The following MAP4K4 variants were observed in gnomAD, a reference collection of about 807,000 sequenced individuals.
MAP4K4 encodes the protein HPK/GCK-like kinase HGK.
In MAP4K4, 38 loss-of-function variants were observed where a neutral mutation model predicts 189.6. The ratio of observed to expected loss-of-function variants is 0.20; its 90% CI spans 0.15 to 0.26. The LOEUF is 0.26. Among genes scored for constraint, MAP4K4 ranks in the 10% least tolerant of loss-of-function variants. The pLI, the probability that MAP4K4 is intolerant of heterozygous loss-of-function variation, is 1.00. For synonymous variants in MAP4K4, 610 were observed against 624.3 expected (o/e 0.98, Z 0.34); for missense variants, 1,054 against 1,726.9 (o/e 0.61, Z 6.91).
At chr2:101,741,716 A>G (rs2062921610) in intron 2 of MAP4K4, among the ~76,000 whole-genome samples, 1 of 152,204 alleles carries the variant, frequency 6.6e-6, no homozygotes, top group African/African-American at 2.4e-5. Context: ...TTTGAGGACG[A>G]CTGGTTTAGT....
chr2:101,874,285 T>C, intron 26 of MAP4K4, 33 bp downstream of exon 26: 2 of 1,575,340 alleles, frequency 1.3e-6, no homozygotes, highest in Non-Finnish European at 8.6e-7. Flanking sequence ...AACACTTTCA[T>C]TTTTGTTCTG....
At chr2:101,795,619 TCTC>T (rs1260089704) in intron 3 of MAP4K4, among the ~76,000 whole-genome samples, 1 of 152,206 alleles carries the variant, frequency 6.6e-6, no homozygotes, top group Non-Finnish European at 1.5e-5. Flanking sequence ...CATGGAATAC[TCTC>T]CTCTGAGGAG....
chr2:101,780,866 T>A (rs892284271), intron 2 of MAP4K4, among the ~76,000 whole-genome samples: 1 of 152,254 alleles, frequency 6.6e-6, no homozygotes, highest in African/African-American at 2.4e-5. Context: ...ATTACTTGGC[T>A]GTTGAATACT....
intron 12 of MAP4K4, among the ~76,000 whole-genome samples, chr2:101,847,743 A>G (rs2097154011): frequency 6.6e-6 from 1 of 152,192 alleles, no homozygotes; most frequent in African/African-American, 2.4e-5. Flanking sequence ...GAAGAAAGAA[A>G]AACATTTTAA....
Position 101,784,263 on chromosome 2 carries a change from CGTGTGT to C in MAP4K4, c.124-6438_124-6433del, listed in dbSNP as rs143119918. Among the ~76,000 whole-genome samples the C allele has an allele frequency of 3.8e-3, 557 of 146,740 alleles. 2 individuals carry two copies. Among genetic ancestry groups the C allele is most frequent in the African/African-American group, 0.014 (527 of 39,004 alleles). On this transcript the variant is annotated intron_variant, in intron 2 of 32. Coordinates refer to ENST00000324219, the Ensembl canonical transcript of MAP4K4. Reference sequence around the variant, plus strand: ...CATGGTATTTCTCTGTGATGCTCTTCGTGTGTGTGTGTGTGTGTGTGTGTATGTGTG... The same window carrying C: ...CATGGTATTTCTCTGTGATGCTCTTCGTGTGTGTGTGTGTGTGTATGTGTG...
At chr2:101,746,888 A>T (rs1281944954) in intron 2 of MAP4K4, among the ~76,000 whole-genome samples, 1 of 152,088 alleles carries the variant, frequency 6.6e-6, no homozygotes, top group Non-Finnish European at 1.5e-5. Context: ...TTGTTGCTTA[A>T]ACATATAGAA....
chr2:101,790,732 A>C (rs1208456538), exon 3 of MAP4K4: 1 of 1,610,094 alleles, frequency 6.2e-7, no homozygotes. Context: ...TCGACATGTT[A>C]AAACGGGTCA....
chr2:101,723,503 C>T lies in MAP4K4; in HGVS notation c.123+24965C>T, dbSNP rs183654469. Among the ~76,000 whole-genome samples, 9 of 152,252 alleles carry T rather than the reference C, an allele frequency of 5.9e-5. No homozygotes were observed. In the East Asian group the frequency reaches 1.7e-3, roughly 29 times the overall value. On this transcript the variant is annotated intron_variant, in intron 2 of 32. Transcript: ENST00000324219. ...AACCTCTGGAGAACTGTGAGAGTCACTGTTTGTCTTCTGTTGGGTTTGGCT... is the reference window on the plus strand; with the variant it reads ...AACCTCTGGAGAACTGTGAGAGTCATTGTTTGTCTTCTGTTGGGTTTGGCT...
rs546424828 is a variant in MAP4K4, at chr2:101,752,932, C to T, written c.124-37788C>T. Reference sequence around the variant, plus strand: ...GACTGTAGGGAGCATTGGCAGTTCACGCAGATAGTCATGGCATTCAAGGCA... The same window carrying T: ...GACTGTAGGGAGCATTGGCAGTTCATGCAGATAGTCATGGCATTCAAGGCA... On this transcript the variant is annotated intron_variant, in intron 2 of 32. Coordinates refer to ENST00000324219, the Ensembl canonical transcript of MAP4K4. Among the ~76,000 whole-genome samples the T allele has an allele frequency of 5.4e-4, 82 of 152,286 alleles. 1 individual carries two copies. The South Asian group carries it at 0.016, about 29-fold the overall frequency.
At position 101,858,931 on chromosome 2, in the gene MAP4K4, C is replaced by T. The variant is rs1307422176; in HGVS notation, c.1396-65C>T. 6 of 1,179,026 alleles carry T rather than the reference C, an allele frequency of 5.1e-6. No individual in the cohort carries two copies. In the African/African-American group the frequency reaches 7.5e-5, roughly 15 times the overall value. 73.0% of individuals were successfully genotyped at this position (1,179,026 alleles called of 1,614,324 possible). On this transcript the variant is annotated intron_variant, in intron 13 of 32. Coordinates refer to ENST00000324219, the Ensembl canonical transcript of MAP4K4. ...TTGGAGCAAATGGTTCTTGGTGCTC[C>T]ATTCAGGTGGTTCTGATGCTTTTCT...
At chr2:101,883,452 C>T (rs939074073) in intron 28 of MAP4K4, among the ~76,000 whole-genome samples, 2 of 152,268 alleles carry the variant, frequency 1.3e-5, no homozygotes, top group African/African-American at 2.4e-5. Context: ...CTGCCTCAGC[C>T]TCCTGAATAG....
Position 101,869,536 on chromosome 2 carries a change from T to C in MAP4K4, c.2464-86T>C, listed in dbSNP as rs144154648. The C allele has an allele frequency of 2.3e-4, 244 of 1,047,140 alleles. No individual in the cohort carries two copies. The African/African-American group carries it at 3.6e-3, about 15-fold the overall frequency. 64.9% of individuals were successfully genotyped at this position (1,047,140 alleles called of 1,614,324 possible). On this transcript the variant is annotated intron_variant, in intron 21 of 32. Transcript: ENST00000324219. ...TAAAAGTCTTACAAAACTGACATTG[T>C]GGCAATTTATGGTTAAAGAACTTCT...
chr2:101,868,911 G>C (rs184679320), intron 21 of MAP4K4, among the ~76,000 whole-genome samples: 8 of 152,126 alleles, frequency 5.3e-5, no homozygotes. Context: ...TTGAGCTTTG[G>C]TGTAAAGACA....
chr2:101,867,071 T>A, intron 19 of MAP4K4, 141 bp from the exon 20 acceptor site: 1 of 611,664 alleles, frequency 1.6e-6, no homozygotes, highest in East Asian at 2.8e-5. Flanking sequence ...GGGCCCCCTC[T>A]GCTCTGTAAT....
In MAP4K4 at chr2:101,887,666, T is replaced by G. The variant is rs534235983; in HGVS notation, c.3772-112T>G. 5 of 738,280 alleles carry G rather than the reference T, an allele frequency of 6.8e-6. No homozygotes were observed. In the African/African-American group the frequency reaches 7.1e-5, roughly 10 times the overall value. The allele number at this position is 738,280 out of a possible 1,614,324, so 45.7% of individuals were successfully genotyped here. On this transcript the variant is annotated intron_variant, in intron 30 of 32. Coordinates refer to ENST00000324219, the Ensembl canonical transcript of MAP4K4. Reference sequence around the variant, plus strand: ...TAAAATGTTAATCTAATTGCTGTATTTATCTTCAGAGATATGGTACCAGTG... The same window carrying G: ...TAAAATGTTAATCTAATTGCTGTATGTATCTTCAGAGATATGGTACCAGTG...
At chr2:101,833,114 A>T (rs1351853801) in intron 7 of MAP4K4, among the ~76,000 whole-genome samples, 1 of 152,110 alleles carries the variant, frequency 6.6e-6, no homozygotes, top group Admixed American at 6.5e-5. Flanking sequence ...TAGAAAGCTT[A>T]ATGAAAATAA....
At chr2:101,817,045 G>A (rs755448503) in intron 3 of MAP4K4, among the ~76,000 whole-genome samples, 46 of 150,708 alleles carry the variant, frequency 3.1e-4, no homozygotes, top group South Asian at 1.5e-3. Context: ...TATGACAATT[G>A]TAGAAAATTG....
At chr2:101,841,433 GC>G (rs2096913816) in intron 10 of MAP4K4, among the ~76,000 whole-genome samples, 1 of 151,734 alleles carries the variant, frequency 6.6e-6, no homozygotes, top group African/African-American at 2.4e-5. Context: ...TATTTTAATT[GC>G]CCAGGCACTT....
intron 2 of MAP4K4, among the ~76,000 whole-genome samples, chr2:101,739,656 T>C (rs1255907754): frequency 6.6e-6 from 1 of 152,242 alleles, no homozygotes; most frequent in Non-Finnish European, 1.5e-5. Flanking sequence ...TATCCTTAAC[T>C]CTGAAAACTT....
Sources: allele counts gnomAD v4.1 joint callset (sites outside exome capture counted in the v4.1 genomes callset), GRCh38; gene constraint gnomAD v4.1.1; transcripts MANE v1.5; gene names NCBI Gene and HGNC (gene_info 2026-07-23, HGNC 2026-07-21).